The following CACNA1C variants were observed in gnomAD, a reference collection of about 807,000 sequenced individuals.
CACNA1C encodes voltage-dependent L-type calcium channel subunit alpha-1C.
Under a neutral mutation model 229.0 loss-of-function variants are expected in CACNA1C, and 30 were observed. The ratio of observed to expected loss-of-function variants is 0.13; its 90% CI spans 0.10 to 0.18. CACNA1C has a LOEUF of 0.18. Ranked by LOEUF, CACNA1C falls within the 10% of genes least tolerant of loss-of-function variation. The pLI is 1.00. For synonymous variants in CACNA1C, 1,114 were observed against 1,132.5 expected, an observed-to-expected ratio of 0.98 and a Z score of 0.33; for missense variants, 1,658 against 2,845.0, an observed-to-expected ratio of 0.58 and a Z score of 9.49.
At chr12:2,543,604 G>A (rs191206880) in intron 9 of CACNA1C, among the ~76,000 whole-genome samples, 1 of 152,308 alleles carries the variant, frequency 6.6e-6, no homozygotes, top group East Asian at 1.9e-4. Context: ...GCACTAATGT[G>A]TTCATATATT....
chr12:2,360,783 G>A (rs1413392957), intron 3 of CACNA1C, among the ~76,000 whole-genome samples: 1 of 145,712 alleles, frequency 6.9e-6, no homozygotes, highest in Non-Finnish European at 1.5e-5. Flanking sequence ...TGCTCGAAGA[G>A]TATAAAGTAG....
At chr12:2,163,415 C>CT (rs901921425) in intron 3 of CACNA1C, among the ~76,000 whole-genome samples, 2 of 152,068 alleles carry the variant, frequency 1.3e-5, no homozygotes, top group African/African-American at 4.8e-5. Context: ...AGGGTGTAAT[C>CT]TTTGGACTCC....
chr12:2,570,578 C>T (rs190769481), intron 13 of CACNA1C, among the ~76,000 whole-genome samples: 20 of 152,146 alleles, frequency 1.3e-4, no homozygotes, highest in Admixed American at 1.2e-3. Flanking sequence ...ACTTATTTAC[C>T]CACTACGTAT....
chr12:2,172,022 G>A (rs1035189899), intron 3 of CACNA1C, among the ~76,000 whole-genome samples: 1 of 152,208 alleles, frequency 6.6e-6, no homozygotes, highest in Non-Finnish European at 1.5e-5. Flanking sequence ...CTGTGGGAGA[G>A]CGTGAATGCA....
chr12:2,139,472 T>C (rs1217547232), intron 3 of CACNA1C, among the ~76,000 whole-genome samples: 1 of 150,308 alleles, frequency 6.7e-6, no homozygotes, highest in African/African-American at 2.5e-5. Flanking sequence ...TCTACACAGA[T>C]CCAGTGCAGT....
At chr12:2,390,508 A>G (rs1002194334) in intron 3 of CACNA1C, among the ~76,000 whole-genome samples, 1 of 152,250 alleles carries the variant, frequency 6.6e-6, no homozygotes, top group African/African-American at 2.4e-5. Context: ...AAAGACACAA[A>G]TAAAATTTGC....
At chr12:2,310,824 G>T (rs1252323966) in intron 3 of CACNA1C, among the ~76,000 whole-genome samples, 1 of 152,200 alleles carries the variant, frequency 6.6e-6, no homozygotes, top group East Asian at 1.9e-4. Context: ...GTTGCCGCAA[G>T]ACCCCCTTCC....
intron 3 of CACNA1C, among the ~76,000 whole-genome samples, chr12:2,367,995 T>C (rs2097766102): frequency 6.6e-6 from 1 of 152,188 alleles, no homozygotes; most frequent in South Asian, 2.1e-4. Flanking sequence ...ATTGAATCCA[T>C]TGGATTCACA....
Position 2,456,116 on chromosome 12 carries a change from C to T in CACNA1C, c.618-1451C>T, listed in dbSNP as rs185679702. Among the ~76,000 whole-genome samples the T allele has an allele frequency of 7.2e-5, 11 of 152,182 alleles. No individual in the cohort carries two copies. In the South Asian group the frequency reaches 1.0e-3, roughly 14 times the overall value. ...TCAGCAGAACGCTTAATGTCCATTC[C>T]GCCATATCTCATCATTCCTGTTGCT... On this transcript the variant is annotated intron_variant, in intron 4 of 46. Transcript: ENST00000399655.
intron 14 of CACNA1C, 148 bp from the exon 15 acceptor site, chr12:2,582,674 G>T: frequency 1.3e-6 from 1 of 747,740 alleles, no homozygotes; most frequent in African/African-American, 1.7e-5. Flanking sequence ...AGAGCCCCTG[G>T]GGAGGAGAAT....
chr12:2,235,891 T>C (rs888482259), intron 3 of CACNA1C, among the ~76,000 whole-genome samples: 1 of 152,204 alleles, frequency 6.6e-6, no homozygotes, highest in African/African-American at 2.4e-5. Context: ...ACTACATGCC[T>C]TACCTAGTCT....
At chr12:2,268,022 G>T (rs1372625543) in intron 3 of CACNA1C, among the ~76,000 whole-genome samples, 1 of 152,186 alleles carries the variant, frequency 6.6e-6, no homozygotes, top group African/African-American at 2.4e-5. Context: ...CTAAGAAGCA[G>T]GTTTTTAGGT....
chr12:1,975,744 C>T (rs1206776191), intron 1 of CACNA1C, among the ~76,000 whole-genome samples: 2 of 152,154 alleles, frequency 1.3e-5, no homozygotes. Context: ...AGTGACTTTA[C>T]TTTGTAGCAG....
chr12:2,169,514 A>G (rs561373416), intron 3 of CACNA1C, among the ~76,000 whole-genome samples: 6 of 152,290 alleles, frequency 3.9e-5, no homozygotes, highest in African/African-American at 7.2e-5. Context: ...TGGCTTTTCT[A>G]CGCTGCAAAC....
intron 8 of CACNA1C, among the ~76,000 whole-genome samples, chr12:2,509,313 T>C (rs948412373): frequency 6.6e-6 from 1 of 152,164 alleles, no homozygotes; most frequent in Non-Finnish European, 1.5e-5. Context: ...TACACAGTCA[T>C]GTTATGGAAT....
At chr12:2,166,441 C>T (rs573728847) in intron 3 of CACNA1C, among the ~76,000 whole-genome samples, 2 of 152,218 alleles carry the variant, frequency 1.3e-5, no homozygotes, top group African/African-American at 2.4e-5. Context: ...TGGATAGACA[C>T]ACTGTCCCCA....
chr12:2,565,238 G>A (rs1005810943), intron 11 of CACNA1C, among the ~76,000 whole-genome samples: 4 of 151,954 alleles, frequency 2.6e-5, no homozygotes, highest in Non-Finnish European at 5.9e-5. Flanking sequence ...GGAGGCCGAG[G>A]CGGGTGGATC....
At chr12:2,349,632 G>A (rs139330785) in intron 3 of CACNA1C, among the ~76,000 whole-genome samples, 89 of 152,222 alleles carry the variant, frequency 5.8e-4, no homozygotes, top group Middle Eastern at 3.4e-3. Flanking sequence ...GACTCAGGAG[G>A]AAGGTACTGC....
chr12:2,438,994 G>A (rs1478349063), intron 3 of CACNA1C, among the ~76,000 whole-genome samples: 2 of 152,174 alleles, frequency 1.3e-5, no homozygotes, highest in Admixed American at 6.5e-5. Flanking sequence ...GTCCCCAGGA[G>A]TAATTCAGCC....
Sources: gnomAD v4.1 joint callset for allele counts (sites outside exome capture counted in the v4.1 genomes callset) on GRCh38, gnomAD v4.1.1 for gene constraint, MANE v1.5 for transcripts, NCBI Gene and HGNC (gene_info 2026-07-23, HGNC 2026-07-21) for gene names.